The following SKA2 variants were observed in gnomAD, a reference collection of about 807,000 sequenced individuals.
SKA2 encodes spindle and kinetochore-associated protein 2.
A neutral mutation model predicts 16.9 loss-of-function variants in SKA2; 13 were observed. The ratio of observed to expected loss-of-function variants is 0.77; its 90% CI spans 0.50 to 1.22. SKA2 has a LOEUF of 1.22. Ranked by LOEUF, SKA2 falls within the 50% of genes most tolerant of loss-of-function variation. The probability of loss-of-function intolerance (pLI) is 0.00; values close to 1 mark genes in which losing one functional copy is unlikely to be tolerated. For missense variants in SKA2, 107 were observed against 139.7 expected (o/e 0.77, Z 1.18); for synonymous variants, 47 against 48.5 (o/e 0.97, Z 0.13).
At chr17:59,144,508 C>T (rs2046517030) in intron 1 of SKA2, among the ~76,000 whole-genome samples, 1 of 152,142 alleles carries the variant, frequency 6.6e-6, no homozygotes, top group South Asian at 2.1e-4. Flanking sequence ...AAGGAAGCAA[C>T]ACGAGTGTCC....
chr17:59,137,851 C>G, intron 1 of SKA2: 1 of 520,300 alleles, frequency 1.9e-6, no homozygotes, highest in Non-Finnish European at 3.9e-6. Context: ...TGATAGGGTT[C>G]TAGGATCTGG....
intron 3 of SKA2, among the ~76,000 whole-genome samples, chr17:59,113,202 A>G (rs992923683): frequency 5.9e-5 from 9 of 151,486 alleles, no homozygotes; most frequent in Non-Finnish European, 1.3e-4. Flanking sequence ...TAGCCTGGGC[A>G]GCAGAGCAAG....
At chr17:59,138,577 C>T (rs1488773029) in intron 1 of SKA2, among the ~76,000 whole-genome samples, 1 of 151,950 alleles carries the variant, frequency 6.6e-6, no homozygotes, top group African/African-American at 2.4e-5. Context: ...ACTACAGGCA[C>T]ACGCCACAAC....
At position 59,139,224 on chromosome 17, in the gene SKA2, C is replaced by T. The variant is rs571115361; in HGVS notation, c.34-7857G>A. 1.4e-3 allele frequency among the ~76,000 whole-genome samples: 206 copies of T among 151,764 alleles called. 1 individual carries two copies. Among genetic ancestry groups the T allele is most frequent in the African/African-American group, 4.8e-3 (198 of 41,426 alleles). On this transcript the variant is annotated intron_variant, in intron 1 of 3. Transcript: ENST00000330137. ...CATCCTGGCTAACACGGTGAAACCC[C>T]GTCTCTACTAAAAATTCAAAAAATT...
At chr17:59,139,991 G>A (rs911672936) in intron 1 of SKA2, among the ~76,000 whole-genome samples, 1 of 152,086 alleles carries the variant, frequency 6.6e-6, no homozygotes, top group Non-Finnish European at 1.5e-5. Context: ...GCAAGCTAAG[G>A]ACCACTTATA....
intron 2 of SKA2, among the ~76,000 whole-genome samples, chr17:59,119,824 A>G (rs188240515): frequency 9.1e-4 from 138 of 152,364 alleles, no homozygotes; most frequent in African/African-American, 3.2e-3. Context: ...TTTCTAAAAT[A>G]CAATTCTAAA....
Position 59,111,060 on chromosome 17 carries a change from C to G in SKA2, c.*1217G>C, listed in dbSNP as rs1335013075. On this transcript the variant is annotated 3_prime_UTR_variant, in exon 4 of 4. Transcript: ENST00000330137. The stretch of plus-strand genomic sequence containing the variant: ...TCACTTATTGAAGGCTTACTAAATA[C>G]TGAACCCTGTATTAAAACACTTTCC... 2.0e-5 allele frequency: 3 copies of G among 152,180 alleles called. No homozygotes were observed. The highest frequency in any genetic ancestry group is 7.2e-5 in the African/African-American group (3 of 41,438). The allele number at this position is 152,180 out of a possible 1,614,324, so 9.4% of individuals were successfully genotyped here.
At chr17:59,141,667 T>C (rs2046491118) in intron 1 of SKA2, among the ~76,000 whole-genome samples, 1 of 148,812 alleles carries the variant, frequency 6.7e-6, no homozygotes, top group Admixed American at 6.8e-5. Flanking sequence ...CAGGCTGGAT[T>C]GAGTGGTGAT....
chr17:59,113,033 C>T lies in SKA2; in HGVS notation c.298-688G>A, dbSNP rs117178848. On this transcript the variant is annotated intron_variant, in intron 3 of 3. Transcript: ENST00000330137. ...TCTCAAGCAATCCTCCCACCTCAGC[C>T]TCCCGAGTAGCTAATTTTTAACTAA... Among the ~76,000 whole-genome samples, 274 of 152,072 alleles carry T rather than the reference C, an allele frequency of 1.8e-3. 7 individuals are homozygous for T. In the East Asian group the frequency reaches 0.047, roughly 26 times the overall value.
intron 2 of SKA2, among the ~76,000 whole-genome samples, chr17:59,126,211 TA>T (rs1231922663): frequency 2.0e-5 from 3 of 151,856 alleles, no homozygotes; most frequent in African/African-American, 7.3e-5. Context: ...AATAAATAAA[TA>T]AAATTATGTT....
intron 2 of SKA2, chr17:59,124,200 G>A (rs1031009390): frequency 6.6e-6 from 1 of 152,150 alleles, no homozygotes; most frequent in South Asian, 2.1e-4. Context: ...TTGGGAGGCT[G>A]AGACAGGAGG....
intron 1 of SKA2, chr17:59,151,345 TG>T (rs756262999): frequency 1.5e-5 from 6 of 404,806 alleles, no homozygotes; most frequent in Non-Finnish European, 2.9e-5. Context: ...TTTATATCAA[TG>T]TTTTTTTAAA....
intron 1 of SKA2, among the ~76,000 whole-genome samples, chr17:59,137,062 G>A (rs1394391618): frequency 6.6e-6 from 1 of 152,076 alleles, no homozygotes; most frequent in African/African-American, 2.4e-5. Flanking sequence ...GCCCAGGCGA[G>A]TGCAGTGGCA....
chr17:59,112,776 T>C (rs964462638), intron 3 of SKA2, among the ~76,000 whole-genome samples: 1 of 152,110 alleles, frequency 6.6e-6, no homozygotes, highest in Admixed American at 6.6e-5. Flanking sequence ...CTTTAAATCA[T>C]CTCTAGATTA....
At chr17:59,121,483 C>T (rs967118840) in intron 2 of SKA2, among the ~76,000 whole-genome samples, 3 of 151,404 alleles carry the variant, frequency 2.0e-5, no homozygotes, top group East Asian at 1.9e-4. Flanking sequence ...AGCGAAACCC[C>T]GTCTCTACTA....
chr17:59,146,463 C>T (rs1215163566), intron 1 of SKA2, among the ~76,000 whole-genome samples: 1 of 152,090 alleles, frequency 6.6e-6, no homozygotes, highest in Non-Finnish European at 1.5e-5. Context: ...GGTGCCACTA[C>T]ACTCCAACCT....
chr17:59,141,038 C>T (rs1038265471), intron 1 of SKA2, among the ~76,000 whole-genome samples: 2 of 151,896 alleles, frequency 1.3e-5, no homozygotes, highest in Non-Finnish European at 2.9e-5. Flanking sequence ...TTTAAGCGAT[C>T]CTCCCGCCTC....
At chr17:59,139,398 A>G (rs1247610081) in intron 1 of SKA2, among the ~76,000 whole-genome samples, 1 of 140,580 alleles carries the variant, frequency 7.1e-6, no homozygotes, top group Non-Finnish European at 1.5e-5. Context: ...CTCCGTCTCA[A>G]AAAAAAAAAA....
intron 3 of SKA2, among the ~76,000 whole-genome samples, chr17:59,114,475 C>T (rs769329015): frequency 2.0e-5 from 3 of 152,096 alleles, no homozygotes; most frequent in Non-Finnish European, 4.4e-5. Flanking sequence ...TACTGAATAC[C>T]GTAGGCAGTG....
Sources: allele counts gnomAD v4.1 joint callset (sites outside exome capture counted in the v4.1 genomes callset), GRCh38; gene constraint gnomAD v4.1.1; transcripts MANE v1.5; gene names NCBI Gene and HGNC (gene_info 2026-07-23, HGNC 2026-07-21).